The following BBX variants were observed in gnomAD, a reference collection of about 807,000 sequenced individuals.
The protein encoded by BBX is HMG box transcription factor BBX.
BBX carries 30 observed loss-of-function variants against 100.2 expected under a neutral mutation model. That is an observed-to-expected ratio of 0.30 (90% CI 0.22 to 0.41). The LOEUF (loss-of-function observed/expected upper bound fraction) is 0.41. Among genes scored for constraint, BBX ranks in the 10% least tolerant of loss-of-function variants. The pLI, the probability that BBX is intolerant of heterozygous loss-of-function variation, is 1.00. For synonymous variants in BBX, 376 were observed against 388.1 expected, an observed-to-expected ratio of 0.97 and a Z score of 0.37; for missense variants, 1,023 against 1,129.8, an observed-to-expected ratio of 0.91 and a Z score of 1.35.
At chr3:107,540,946 C>T (rs2048822552) in intron 2 of BBX, among the ~76,000 whole-genome samples, 1 of 152,060 alleles carries the variant, frequency 6.6e-6, no homozygotes, top group African/African-American at 2.4e-5. Context: ...ATTTTATGGT[C>T]ATAAAATAAA....
At position 107,699,053 on chromosome 3, in the gene BBX, G is replaced by A. The variant is rs534290161; in HGVS notation, c.-9-11399G>A. Among the ~76,000 whole-genome samples the A allele has an allele frequency of 2.6e-5, 4 of 151,750 alleles. No homozygotes were observed. The South Asian group carries it at 6.2e-4, about 24-fold the overall frequency. On this transcript the variant is annotated intron_variant, in intron 3 of 17. Coordinates refer to ENST00000325805, the MANE Select transcript of BBX (RefSeq NM_001142568.3). ...TCATTCATTTGCCTGCAGTGCGCCC[G>A]GCTCTGTGTCAAGCCCTGGAGACAC...
intron 2 of BBX, among the ~76,000 whole-genome samples, chr3:107,641,526 T>C (rs1170023859): frequency 6.6e-6 from 1 of 152,236 alleles, no homozygotes. Context: ...TACCTAGTGT[T>C]TTCTTATACT....
chr3:107,756,991 A>G (rs2065527747), intron 10 of BBX, among the ~76,000 whole-genome samples: 1 of 152,168 alleles, frequency 6.6e-6, no homozygotes, highest in African/African-American at 2.4e-5. Flanking sequence ...AAGACTGTAT[A>G]TAGATTGTCA....
At chr3:107,535,085 A>G (rs559698) in intron 2 of BBX, among the ~76,000 whole-genome samples, 17,649 of 152,278 alleles carry the variant, frequency 0.12, 1,139 homozygotes, top group African/African-American at 0.14. Flanking sequence ...ACTTGTCTGA[A>G]GTCGCACAGC....
intron 2 of BBX, among the ~76,000 whole-genome samples, chr3:107,642,828 TC>T (rs2057298806): frequency 6.6e-6 from 1 of 152,196 alleles, no homozygotes; most frequent in African/African-American, 2.4e-5. Flanking sequence ...ATGTAATTGT[TC>T]CTTAGCAAAT....
intron 3 of BBX, among the ~76,000 whole-genome samples, chr3:107,660,961 T>C (rs1480588411): frequency 6.6e-6 from 1 of 152,184 alleles, no homozygotes; most frequent in Admixed American, 6.5e-5. Context: ...AAGAATTCAT[T>C]GAAATGCAGA....
chr3:107,693,480 C>G (rs1255073921), intron 3 of BBX, among the ~76,000 whole-genome samples: 3 of 150,986 alleles, frequency 2.0e-5, no homozygotes, highest in Non-Finnish European at 2.9e-5. Context: ...GCTTGTTTTT[C>G]TCAGGTTTGT....
intron 2 of BBX, among the ~76,000 whole-genome samples, chr3:107,545,125 T>A (rs2049139755): frequency 6.6e-6 from 1 of 152,230 alleles, no homozygotes; most frequent in South Asian, 2.1e-4. Context: ...CTGTTACATA[T>A]CTCTTGGCCC....
At chr3:107,627,157 C>T (rs1220080614) in intron 2 of BBX, among the ~76,000 whole-genome samples, 1 of 152,170 alleles carries the variant, frequency 6.6e-6, no homozygotes, top group Non-Finnish European at 1.5e-5. Context: ...ATTGGTTGGG[C>T]TTACTGGCTA....
chr3:107,699,299 G>C lies in BBX; in HGVS notation c.-9-11153G>C, dbSNP rs558644022. ...AGGAAACAGCAGCCAGGTTCCAGGA[G>C]GTGGGAGTGCATGGCAAGCTCCGGG... On this transcript the variant is annotated intron_variant, in intron 3 of 17. Transcript: ENST00000325805. Among the ~76,000 whole-genome samples, 36 of 151,946 alleles carry C rather than the reference G, an allele frequency of 2.4e-4. 2 individuals are homozygous for C. The highest frequency in any genetic ancestry group is 8.0e-4 in the African/African-American group (33 of 41,240).
intron 3 of BBX, among the ~76,000 whole-genome samples, chr3:107,703,760 A>G (rs1015484288): frequency 6.6e-6 from 1 of 152,196 alleles, no homozygotes; most frequent in Non-Finnish European, 1.5e-5. Context: ...ACAGTTTAGA[A>G]TTGTCATTAG....
intron 2 of BBX, among the ~76,000 whole-genome samples, chr3:107,624,734 T>TG (rs2056047880): frequency 6.6e-6 from 1 of 152,070 alleles, no homozygotes; most frequent in Admixed American, 6.5e-5. Flanking sequence ...CTGGGCATGA[T>TG]GGTGGGTGCC....
At chr3:107,694,984 G>A (rs1449418108) in intron 3 of BBX, among the ~76,000 whole-genome samples, 4 of 151,504 alleles carry the variant, frequency 2.6e-5, no homozygotes, top group Non-Finnish European at 5.9e-5. Flanking sequence ...TATTTGTGTA[G>A]AGGTGTTTGT....
intron 3 of BBX, among the ~76,000 whole-genome samples, chr3:107,656,052 A>C (rs1377692990): frequency 6.6e-6 from 1 of 152,210 alleles, no homozygotes; most frequent in Non-Finnish European, 1.5e-5. Flanking sequence ...AATATTTAAA[A>C]AATTTAAATA....
At position 107,707,181 on chromosome 3, in the gene BBX, G is replaced by T. The variant is rs549872047; in HGVS notation, c.-9-3271G>T. Among the ~76,000 whole-genome samples, 8 of 152,134 alleles carry T rather than the reference G, an allele frequency of 5.3e-5. No individual in the cohort carries two copies. In the South Asian group the frequency reaches 1.7e-3, roughly 32 times the overall value. ...TACCTGCTAAAAATGTACCTACTTT[G>T]TTCCAGGCCCTGTACTAGGGGTTGC... On this transcript the variant is annotated intron_variant, in intron 3 of 17. Coordinates refer to ENST00000325805, the MANE Select transcript of BBX (RefSeq NM_001142568.3).
intron 2 of BBX, among the ~76,000 whole-genome samples, chr3:107,549,261 A>G (rs2049477498): frequency 6.6e-6 from 1 of 152,234 alleles, no homozygotes; most frequent in Non-Finnish European, 1.5e-5. Context: ...GACTATAGTA[A>G]TAAGACCATT....
intron 2 of BBX, among the ~76,000 whole-genome samples, chr3:107,556,269 T>C (rs1435962603): frequency 6.6e-6 from 1 of 152,244 alleles, no homozygotes; most frequent in Non-Finnish European, 1.5e-5. Flanking sequence ...TGTGATTCAA[T>C]AGATGTTTAT....
intron 2 of BBX, among the ~76,000 whole-genome samples, chr3:107,605,311 T>C (rs907121832): frequency 6.6e-6 from 1 of 152,118 alleles, no homozygotes; most frequent in Admixed American, 6.5e-5. Context: ...CAATTTGTCA[T>C]TTAGGATAAG....
chr3:107,748,826 G>A (rs1380799732), intron 9 of BBX, among the ~76,000 whole-genome samples: 1 of 152,130 alleles, frequency 6.6e-6, no homozygotes, highest in Non-Finnish European at 1.5e-5. Flanking sequence ...TTATAGGGTT[G>A]AGAGAAAATG....
Sources: allele counts gnomAD v4.1 joint callset (sites outside exome capture counted in the v4.1 genomes callset), GRCh38; gene constraint gnomAD v4.1.1; transcripts MANE v1.5; gene names NCBI Gene and HGNC (gene_info 2026-07-23, HGNC 2026-07-21).